The following SDK1 variants were observed in gnomAD, a reference collection of about 807,000 sequenced individuals.
SDK1 encodes the protein protein sidekick-1.
In SDK1, 157 loss-of-function variants were observed where a neutral mutation model predicts 245.5. The ratio of observed to expected loss-of-function variants is 0.64; its 90% CI spans 0.56 to 0.73. The LOEUF (loss-of-function observed/expected upper bound fraction) is 0.73. Ranked by LOEUF, SDK1 falls within the 30% of genes least tolerant of loss-of-function variation. The probability of loss-of-function intolerance (pLI) is 0.00; values close to 1 mark genes in which losing one functional copy is unlikely to be tolerated. For synonymous variants in SDK1, 1,647 were observed against 1,278.5 expected, an observed-to-expected ratio of 1.29 and a Z score of -6.15; for missense variants, 3,583 against 3,002.3, an observed-to-expected ratio of 1.19 and a Z score of -4.52.
intron 35 of SDK1, among the ~76,000 whole-genome samples, chr7:4,190,448 T>G (rs2128222382): frequency 6.6e-6 from 1 of 152,258 alleles, no homozygotes; most frequent in African/African-American, 2.4e-5. Context: ...GAGTGATGAG[T>G]CAGCTTTATC....
chr7:4,174,558 G>A (rs186916392), intron 33 of SDK1, among the ~76,000 whole-genome samples: 5 of 152,290 alleles, frequency 3.3e-5, no homozygotes, highest in Admixed American at 3.3e-4. Context: ...GTGCAGCTGC[G>A]GAGGCAGAGG....
In SDK1 at chr7:4,123,555, C is replaced by A. The variant is rs369652405; in HGVS notation, c.3824-3826C>A. Among the ~76,000 whole-genome samples the A allele has an allele frequency of 2.4e-4, 36 of 152,250 alleles. No individual in the cohort carries two copies. In the East Asian group the frequency reaches 4.8e-3, roughly 20 times the overall value. The stretch of plus-strand genomic sequence containing the variant: ...ACTTGGGGCTGCATCTGTGACAAGC[C>A]CCCTTCCTCTTTGGAGAACTGAGCA... On this transcript the variant is annotated intron_variant, in intron 25 of 44. Transcript: ENST00000404826.
chr7:3,815,522 T>A (rs1431882898), intron 4 of SDK1, among the ~76,000 whole-genome samples: 2 of 150,072 alleles, frequency 1.3e-5, no homozygotes, highest in African/African-American at 4.9e-5. Context: ...TTGCCAGTAT[T>A]TTATTGAGGA....
chr7:4,092,506 C>T (rs960928778), intron 22 of SDK1, among the ~76,000 whole-genome samples: 4 of 152,160 alleles, frequency 2.6e-5, no homozygotes, highest in Admixed American at 1.3e-4. Flanking sequence ...TATACCTCAC[C>T]CCCTTTGAAT....
intron 44 of SDK1, among the ~76,000 whole-genome samples, chr7:4,246,045 A>T (rs1786836152): frequency 6.6e-6 from 1 of 152,174 alleles, no homozygotes; most frequent in Admixed American, 6.5e-5. Context: ...AGGCTGATTC[A>T]TGGAGGAGCA....
intron 5 of SDK1, among the ~76,000 whole-genome samples, chr7:3,922,653 A>G (rs1479962589): frequency 1.3e-5 from 2 of 152,142 alleles, no homozygotes; most frequent in African/African-American, 4.8e-5. Context: ...TTTTCTTTAG[A>G]TTGATATGTT....
intron 1 of SDK1, among the ~76,000 whole-genome samples, chr7:3,369,787 A>G (rs188299609): frequency 1.3e-5 from 2 of 152,360 alleles, no homozygotes; most frequent in Admixed American, 1.3e-4. Flanking sequence ...ATGAAAAACT[A>G]ACCCATGAAA....
At chr7:3,363,455 A>G (rs1041773363) in intron 1 of SDK1, among the ~76,000 whole-genome samples, 2 of 151,356 alleles carry the variant, frequency 1.3e-5, no homozygotes, top group South Asian at 4.3e-4. Context: ...TTGTGTATCC[A>G]TTTTTTTCTG....
At chr7:3,769,968 G>T (rs1189536622) in intron 4 of SDK1, among the ~76,000 whole-genome samples, 1 of 149,852 alleles carries the variant, frequency 6.7e-6, no homozygotes, top group African/African-American at 2.5e-5. Context: ...GTGTGTGTGT[G>T]TATTTACGGC....
intron 1 of SDK1, among the ~76,000 whole-genome samples, chr7:3,377,987 C>T (rs1034378800): frequency 1.3e-5 from 2 of 152,078 alleles, no homozygotes; most frequent in Non-Finnish European, 2.9e-5. Flanking sequence ...CCATGTTGGC[C>T]AGGCTGGTCT....
intron 22 of SDK1, among the ~76,000 whole-genome samples, chr7:4,090,716 A>G (rs143029903): frequency 6.6e-6 from 1 of 152,334 alleles, no homozygotes; most frequent in Non-Finnish European, 1.5e-5. Flanking sequence ...AGTGGGATTT[A>G]GAAACCAAGA....
chr7:3,557,215 G>A (rs1413424923), intron 1 of SDK1, among the ~76,000 whole-genome samples: 1 of 152,014 alleles, frequency 6.6e-6, no homozygotes. Flanking sequence ...TAACAAAATC[G>A]AGAGGAAAAG....
chr7:3,416,899 A>T (rs1003201110), intron 1 of SDK1, among the ~76,000 whole-genome samples: 1 of 152,154 alleles, frequency 6.6e-6, no homozygotes, highest in Non-Finnish European at 1.5e-5. Context: ...GCAGCCGGGC[A>T]CGGTGGCTCA....
At chr7:3,427,093 A>G (rs1422535314) in intron 1 of SDK1, among the ~76,000 whole-genome samples, 1 of 152,206 alleles carries the variant, frequency 6.6e-6, no homozygotes, top group Non-Finnish European at 1.5e-5. Flanking sequence ...TACACACAAC[A>G]ATCTTAATAA....
chr7:3,674,109 A>G (rs1397946233), intron 4 of SDK1, among the ~76,000 whole-genome samples: 1 of 152,210 alleles, frequency 6.6e-6, no homozygotes, highest in Non-Finnish European at 1.5e-5. Context: ...CAGACCGATC[A>G]CATGTTGATT....
chr7:3,745,074 C>A (rs894585145), intron 4 of SDK1, among the ~76,000 whole-genome samples: 3 of 152,090 alleles, frequency 2.0e-5, no homozygotes, highest in Non-Finnish European at 4.4e-5. Context: ...GAAAAACTCA[C>A]AAAACACTCC....
chr7:3,492,767 A>G (rs370080690), intron 1 of SDK1, among the ~76,000 whole-genome samples: 2 of 152,178 alleles, frequency 1.3e-5, no homozygotes, highest in African/African-American at 4.8e-5. Context: ...CTCATTGGCA[A>G]TAATGGCAAA....
chr7:3,633,580 G>A (rs1020286575), intron 2 of SDK1, among the ~76,000 whole-genome samples: 2 of 152,070 alleles, frequency 1.3e-5, no homozygotes, highest in Non-Finnish European at 2.9e-5. Context: ...GGTTTACCAA[G>A]AGCCATGTTT....
intron 1 of SDK1, among the ~76,000 whole-genome samples, chr7:3,508,197 T>TC (rs1290907430): frequency 6.6e-6 from 1 of 151,984 alleles, no homozygotes; most frequent in Non-Finnish European, 1.5e-5. Flanking sequence ...TATTTTTTTT[T>TC]CTGGTTTCAG....
Sources: allele counts gnomAD v4.1 joint callset (sites outside exome capture counted in the v4.1 genomes callset), GRCh38; gene constraint gnomAD v4.1.1; transcripts MANE v1.5; gene names NCBI Gene and HGNC (gene_info 2026-07-23, HGNC 2026-07-21).